TMEM132C: variants seen among roughly 807,000 people sequenced by gnomAD.
TMEM132C encodes protein phosphatase 1, regulatory subunit 152.
TMEM132C carries 29 observed loss-of-function variants against 61.4 expected under a neutral mutation model. The observed-to-expected ratio is 0.47, with a 90% CI of 0.35 to 0.64. The LOEUF (loss-of-function observed/expected upper bound fraction) is 0.64. TMEM132C is among the 30% of genes least tolerant of loss of function. TMEM132C has a pLI of 0.00. For missense variants in TMEM132C, 1,408 were observed against 1,476.9 expected, an observed-to-expected ratio of 0.95 and a Z score of 0.76; for synonymous variants, 656 against 633.1, an observed-to-expected ratio of 1.04 and a Z score of -0.54.
intron 5 of TMEM132C, among the ~76,000 whole-genome samples, chr12:128,685,495 A>G (rs773884907): frequency 1.3e-5 from 2 of 152,110 alleles, no homozygotes; most frequent in Non-Finnish European, 2.9e-5. Context: ...ACACTGAGAG[A>G]TTGTATTAAT....
At chr12:128,507,918 T>C (rs775071925) in intron 2 of TMEM132C, among the ~76,000 whole-genome samples, 1 of 152,152 alleles carries the variant, frequency 6.6e-6, no homozygotes, top group Non-Finnish European at 1.5e-5. Context: ...AAAAATCCAC[T>C]CAGATGGAGC....
chr12:128,524,012 CAAAAAAAA>C (rs55999607), intron 2 of TMEM132C, among the ~76,000 whole-genome samples: 3 of 135,304 alleles, frequency 2.2e-5, no homozygotes, highest in Non-Finnish European at 1.6e-5. Flanking sequence ...GACGCCATCT[CAAAAAAAA>C]AAAAAAAAAA....
At chr12:128,529,565 C>T (rs1873211323) in intron 2 of TMEM132C, among the ~76,000 whole-genome samples, 1 of 152,138 alleles carries the variant, frequency 6.6e-6, no homozygotes, top group African/African-American at 2.4e-5. Flanking sequence ...GGGTGGATCA[C>T]CTGAGGTCAG....
chr12:128,423,721 G>T (rs904079593), intron 2 of TMEM132C, among the ~76,000 whole-genome samples: 2 of 151,330 alleles, frequency 1.3e-5, no homozygotes, highest in African/African-American at 4.9e-5. Flanking sequence ...AAAGAGAAAA[G>T]TGGATTTCAC....
chr12:128,405,353 G>A (rs910486789), intron 1 of TMEM132C, among the ~76,000 whole-genome samples: 1 of 152,122 alleles, frequency 6.6e-6, no homozygotes, highest in African/African-American at 2.4e-5. Context: ...AGCCTGTGTG[G>A]GTGCAGATGG....
At chr12:128,636,756 C>T (rs1159370147) in intron 4 of TMEM132C, among the ~76,000 whole-genome samples, 1 of 152,158 alleles carries the variant, frequency 6.6e-6, no homozygotes, top group African/African-American at 2.4e-5. Flanking sequence ...CATTGAGCGA[C>T]ATCTCTTCAT....
chr12:128,589,500 T>TCCCCCCCCCCCCCACCC (rs1875674187), intron 3 of TMEM132C, among the ~76,000 whole-genome samples: 1 of 150,994 alleles, frequency 6.6e-6, no homozygotes, highest in Non-Finnish European at 1.5e-5. Flanking sequence ...AGCCTGCACC[T>TCCCCCCCCCCCCCACCC]CCCCCTCCCC....
chr12:128,547,274 G>T (rs2136151937), intron 3 of TMEM132C, among the ~76,000 whole-genome samples: 1 of 152,162 alleles, frequency 6.6e-6, no homozygotes, highest in South Asian at 2.1e-4. Flanking sequence ...GCTTGCAGGA[G>T]CCTCTCTGCA....
chr12:128,302,796 G>C (rs1012810146), intron 1 of TMEM132C, among the ~76,000 whole-genome samples: 6 of 152,204 alleles, frequency 3.9e-5, no homozygotes, highest in Non-Finnish European at 7.3e-5. Context: ...ATAAATTGAA[G>C]ATCCACGGGC....
At chr12:128,604,508 CTAGA>C (rs918418846) in intron 3 of TMEM132C, among the ~76,000 whole-genome samples, 1 of 139,830 alleles carries the variant, frequency 7.2e-6, no homozygotes, top group Non-Finnish European at 1.5e-5. Context: ...AGACAGATGG[CTAGA>C]TAGATAAATA....
intron 2 of TMEM132C, among the ~76,000 whole-genome samples, chr12:128,479,988 T>A (rs185130022): frequency 1.3e-5 from 2 of 152,322 alleles, no homozygotes; most frequent in Admixed American, 6.5e-5. Flanking sequence ...CCAGGCATGG[T>A]GGCTCATGCC....
At chr12:128,338,599 G>A (rs1709707) in intron 1 of TMEM132C, among the ~76,000 whole-genome samples, 10,410 of 151,746 alleles carry the variant, frequency 0.069, 655 homozygotes, top group African/African-American at 0.17. Context: ...CTGAATAGAC[G>A]GGTAAAGAGC....
chr12:128,510,082 T>C (rs1248117400), intron 2 of TMEM132C, among the ~76,000 whole-genome samples: 1 of 152,188 alleles, frequency 6.6e-6, no homozygotes. Flanking sequence ...GCTGGTGACC[T>C]GCCTGGAGTC....
intron 1 of TMEM132C, among the ~76,000 whole-genome samples, chr12:128,335,197 G>A (rs997814216): frequency 5.3e-5 from 8 of 152,172 alleles, no homozygotes; most frequent in Admixed American, 6.5e-5. Context: ...GCTGCTTGGT[G>A]AAAAATTAAT....
At chr12:128,445,175 T>C (rs1440442992) in intron 2 of TMEM132C, among the ~76,000 whole-genome samples, 1 of 140,940 alleles carries the variant, frequency 7.1e-6, no homozygotes, top group East Asian at 2.1e-4. Flanking sequence ...TTCTTTTGCA[T>C]AGAAAAAGTT....
intron 3 of TMEM132C, among the ~76,000 whole-genome samples, chr12:128,590,769 T>C (rs1875723392): frequency 6.6e-6 from 1 of 152,130 alleles, no homozygotes; most frequent in African/African-American, 2.4e-5. Context: ...GGCAGACATA[T>C]GTTCTTCAGC....
intron 1 of TMEM132C, among the ~76,000 whole-genome samples, chr12:128,274,984 G>A (rs1385218461): frequency 1.3e-5 from 2 of 152,122 alleles, no homozygotes; most frequent in African/African-American, 2.4e-5. Context: ...TTGTATCCAA[G>A]GGGAAAGGAT....
chr12:128,533,915 T>TACAC (rs1229822672), intron 2 of TMEM132C, among the ~76,000 whole-genome samples: 4 of 148,570 alleles, frequency 2.7e-5, no homozygotes, highest in African/African-American at 9.9e-5. Context: ...CACACATGCA[T>TACAC]ACACACACAC....
chr12:128,604,337 AAGAT>A (rs1416883366), intron 3 of TMEM132C, among the ~76,000 whole-genome samples: 3 of 151,952 alleles, frequency 2.0e-5, no homozygotes, highest in Non-Finnish European at 4.4e-5. Flanking sequence ...TGTGGATAGA[AAGAT>A]GGATGGATAG....
Sources: allele counts gnomAD v4.1 joint callset (sites outside exome capture counted in the v4.1 genomes callset), GRCh38; gene constraint gnomAD v4.1.1; transcripts MANE v1.5; gene names NCBI Gene and HGNC (gene_info 2026-07-23, HGNC 2026-07-21).